Variants in ATP10A observed in about 807,000 individuals in gnomAD.
ATP10A encodes phospholipid-transporting ATPase VA.
Under a neutral mutation model 147.8 loss-of-function variants are expected in ATP10A, and 111 were observed. The observed-to-expected ratio is 0.75, with a 90% CI of 0.64 to 0.88. The LOEUF is 0.88. Ranked by LOEUF, ATP10A falls within the 40% of genes least tolerant of loss-of-function variation. ATP10A has a pLI of 0.00. For missense variants in ATP10A, 1,927 were observed against 1,959.0 expected, an observed-to-expected ratio of 0.98 and a Z score of 0.31; for synonymous variants, 875 against 841.6, an observed-to-expected ratio of 1.04 and a Z score of -0.69.
intron 1 of ATP10A, among the ~76,000 whole-genome samples, chr15:25,782,239 G>C (rs970682240): frequency 6.6e-6 from 1 of 152,158 alleles, no homozygotes; most frequent in African/African-American, 2.4e-5. Flanking sequence ...AGTGGATTAG[G>C]CACCATCAGT....
rs1178401287 is a variant in ATP10A, at chr15:25,702,023, T to G, written c.2653A>C (p.Ile885Leu). The change falls in exon 13 of 21, where the codon ATT becomes CTT. Residue 885 changes from isoleucine (I) to leucine (L), a missense_variant. Physicochemically the swap from Ile to Leu is conservative, Grantham distance 5. Coordinates refer to ENST00000555815, the MANE Select transcript of ATP10A (RefSeq NM_024490.4). ...TGTTTGTCACCAGTGAGAACCCAAA[T>G]CTGCAGGCCCGCTTGACGCAATTTA... ...ISKLRQAGLQ[I>L]WVLTGDKQET... 26 of 1,614,188 alleles carry G rather than the reference T, an allele frequency of 1.6e-5. No homozygotes were observed. The highest frequency in any genetic ancestry group is 2.1e-5 in the Non-Finnish European group (25 of 1,180,032).
intron 2 of ATP10A, among the ~76,000 whole-genome samples, chr15:25,756,558 G>A (rs936990502): frequency 6.6e-6 from 1 of 152,098 alleles, no homozygotes; most frequent in Non-Finnish European, 1.5e-5. Context: ...CAGGAGAATG[G>A]CGTGAACCCA....
chr15:25,715,290 C>T (rs148464503), intron 9 of ATP10A, among the ~76,000 whole-genome samples: 26 of 152,332 alleles, frequency 1.7e-4, no homozygotes, highest in African/African-American at 4.8e-4. Flanking sequence ...ACATAGGCAC[C>T]TGCACAGCAA....
At chr15:25,787,928 A>T (rs546831448) in intron 1 of ATP10A, among the ~76,000 whole-genome samples, 1 of 152,250 alleles carries the variant, frequency 6.6e-6, no homozygotes, top group South Asian at 2.1e-4. Flanking sequence ...ATAGAAGGAC[A>T]CTGCCCTCCC....
intron 12 of ATP10A, among the ~76,000 whole-genome samples, chr15:25,705,308 C>T (rs1226633688): frequency 2.6e-5 from 4 of 151,958 alleles, no homozygotes; most frequent in African/African-American, 7.3e-5. Flanking sequence ...TGGTGGCACA[C>T]GCCTGTGGTC....
At chr15:25,779,387 C>G (rs1049628570) in intron 2 of ATP10A, among the ~76,000 whole-genome samples, 2 of 152,238 alleles carry the variant, frequency 1.3e-5, no homozygotes, top group Non-Finnish European at 2.9e-5. Context: ...AGGTGACATT[C>G]GAGCTATCAG....
intron 1 of ATP10A, among the ~76,000 whole-genome samples, chr15:25,838,573 C>T (rs1285558954): frequency 6.6e-6 from 1 of 152,196 alleles, no homozygotes; most frequent in East Asian, 1.9e-4. Flanking sequence ...CCTTTAATCT[C>T]CATCCTAGAA....
At chr15:25,808,878 G>A (rs901910842) in intron 1 of ATP10A, among the ~76,000 whole-genome samples, 1 of 152,224 alleles carries the variant, frequency 6.6e-6, no homozygotes, top group Non-Finnish European at 1.5e-5. Flanking sequence ...TAGGATTAGA[G>A]GGTGGGGAAG....
intron 14 of ATP10A, among the ~76,000 whole-genome samples, chr15:25,692,006 G>T (rs1381387376): frequency 2.0e-5 from 3 of 152,106 alleles, no homozygotes; most frequent in African/African-American, 7.2e-5. Flanking sequence ...TCGGAAAGCG[G>T]GCTGGAGCTG....
At chr15:25,795,090 G>A (rs571288402) in intron 1 of ATP10A, among the ~76,000 whole-genome samples, 156 of 152,268 alleles carry the variant, frequency 1.0e-3, no homozygotes, top group African/African-American at 3.3e-3. Context: ...TCTTTATTTA[G>A]GAAAAACAAT....
At chr15:25,846,612 C>T (rs1476937110) in intron 1 of ATP10A, among the ~76,000 whole-genome samples, 4 of 151,906 alleles carry the variant, frequency 2.6e-5, no homozygotes, top group Admixed American at 2.0e-4. Flanking sequence ...TCCTAAACAT[C>T]CCTGGATAAA....
chr15:25,687,826 T>C lies in ATP10A; in HGVS notation c.3168A>G (p.Ala1056=), dbSNP rs1899780920. 6.2e-7 allele frequency: 1 copy of C among 1,613,764 alleles called. No individual in the cohort carries two copies. Among genetic ancestry groups the C allele is most frequent in the Non-Finnish European group, 8.5e-7 (1 of 1,179,858 alleles). The part of the protein sequence containing the change: ...VGISGQEGMQ[A]VMASDFAVPK... The stretch of plus-strand genomic sequence containing the variant: ...GCACTGCAAAGTCGCTGGCCATCAC[T>C]GCCTTCAAAGGGAGAGGGATTCCTG... The change falls in exon 16 of 21, where the codon GCA becomes GCG. Residue 1056 remains alanine, a splice_region_variant and synonymous_variant. Coordinates refer to ENST00000555815, the MANE Select transcript of ATP10A (RefSeq NM_024490.4).
At chr15:25,704,957 G>A (rs1900887745) in intron 12 of ATP10A, among the ~76,000 whole-genome samples, 3 of 152,198 alleles carry the variant, frequency 2.0e-5, no homozygotes, top group Non-Finnish European at 4.4e-5. Context: ...GAGGGGAAAG[G>A]ATTTCACCAA....
chr15:25,775,125 A>G (rs537588644), intron 2 of ATP10A, among the ~76,000 whole-genome samples: 1 of 152,354 alleles, frequency 6.6e-6, no homozygotes, highest in Non-Finnish European at 1.5e-5. Context: ...CAATGTAGCT[A>G]AATTTCATTA....
intron 6 of ATP10A, among the ~76,000 whole-genome samples, chr15:25,722,773 T>C (rs1374152443): frequency 6.6e-6 from 1 of 152,196 alleles, no homozygotes; most frequent in Non-Finnish European, 1.5e-5. Flanking sequence ...GCTGAGCCAA[T>C]GTCCTCTGGT....
chr15:25,794,799 G>A (rs1890592150), intron 1 of ATP10A, among the ~76,000 whole-genome samples: 1 of 152,180 alleles, frequency 6.6e-6, no homozygotes, highest in Non-Finnish European at 1.5e-5. Context: ...CCATGCAGAT[G>A]GTCATCTTCT....
In ATP10A at chr15:25,718,404, G is replaced by C. The variant is rs1330290660; in HGVS notation, c.1364-5C>G. 5 of 1,586,488 alleles carry C rather than the reference G, an allele frequency of 3.2e-6. No individual in the cohort carries two copies. The highest frequency in any genetic ancestry group is 4.3e-6 in the Non-Finnish European group (5 of 1,170,128). On this transcript the variant is annotated splice_region_variant and splice_polypyrimidine_tract_variant and intron_variant, in intron 7 of 20. Coordinates refer to ENST00000555815, the MANE Select transcript of ATP10A (RefSeq NM_024490.4). The stretch of plus-strand genomic sequence containing the variant: ...GGTACCTGGCCAGACGCTGCGCTGC[G>C]GGGAGAGGGCGCAGGGTGAGGCATC...
intron 1 of ATP10A, among the ~76,000 whole-genome samples, chr15:25,861,465 G>A (rs1481028980): frequency 1.3e-5 from 2 of 152,190 alleles, no homozygotes; most frequent in Admixed American, 6.5e-5. Flanking sequence ...CCACTGCAGT[G>A]TTGCTGGGAG....
intron 2 of ATP10A, among the ~76,000 whole-genome samples, chr15:25,744,290 G>T (rs549998632): frequency 1.3e-5 from 2 of 152,206 alleles, no homozygotes; most frequent in East Asian, 3.9e-4. Flanking sequence ...AGAACCCCTA[G>T]ATACTAAACA....
Sources: gnomAD v4.1 joint callset for allele counts (sites outside exome capture counted in the v4.1 genomes callset) on GRCh38, gnomAD v4.1.1 for gene constraint, MANE v1.5 for transcripts, NCBI Gene and HGNC (gene_info 2026-07-23, HGNC 2026-07-21) for gene names.